Variants in KANK2 observed in about 807,000 individuals in gnomAD.
KANK2 encodes KN motif and ankyrin repeat domains 2.
KANK2 carries 41 observed loss-of-function variants against 74.6 expected under a neutral mutation model. That is an observed-to-expected ratio of 0.55 (90% CI 0.43 to 0.71). The LOEUF is 0.71. KANK2 is among the 30% of genes least tolerant of loss of function. KANK2 has a pLI of 0.00. For synonymous variants in KANK2, 537 were observed against 519.0 expected (o/e 1.03, Z -0.47); for missense variants, 1,148 against 1,196.4 (o/e 0.96, Z 0.60).
At position 11,177,093 on chromosome 19, in the gene KANK2, C is replaced by CTT. The variant is rs33941817; in HGVS notation, c.1521-278_1521-277dup. ...TGACACTTCTAGCATACTCACCCTC[C>CTT]TTTTTTTTTTTTTTTTTTTTGAGAT... On this transcript the variant is annotated intron_variant, in intron 6 of 12. Transcript: ENST00000586659. Among the ~76,000 whole-genome samples, 51,831 of 104,640 alleles carry CTT rather than the reference C, an allele frequency of 0.5. 14,750 individuals carry two copies. Among genetic ancestry groups the CTT allele is most frequent in the Non-Finnish European group, 0.56 (31,605 of 56,028 alleles). The allele number at this position is 104,640 out of a possible 152,430, so 68.6% of individuals were successfully genotyped here.
chr19:11,184,392 A>ACAAAAG (rs2078617617), intron 4 of KANK2, among the ~76,000 whole-genome samples: 1 of 149,748 alleles, frequency 6.7e-6, no homozygotes, highest in South Asian at 2.1e-4. Flanking sequence ...AAAAACAAAA[A>ACAAAAG]CAAAAATGAA....
intron 10 of KANK2, among the ~76,000 whole-genome samples, chr19:11,172,220 A>T (rs1600807428): frequency 6.6e-6 from 1 of 150,568 alleles, no homozygotes; most frequent in Non-Finnish European, 1.5e-5. Flanking sequence ...CAGGTGATCC[A>T]CCCACCTCAG....
intron 8 of KANK2, 47 bp from the exon 9 acceptor site, chr19:11,174,739 A>G (rs763854214): frequency 3.5e-5 from 51 of 1,457,122 alleles, no homozygotes; most frequent in Non-Finnish European, 4.7e-5. Flanking sequence ...GGGGAGGCCC[A>G]CTGGGACACC....
intron 6 of KANK2, among the ~76,000 whole-genome samples, chr19:11,178,144 G>T (rs1467881547): frequency 1.3e-5 from 2 of 152,212 alleles, no homozygotes; most frequent in African/African-American, 2.4e-5. Flanking sequence ...ACGCAGGGCT[G>T]ACTCCTGGGT....
rs1262365780 is a variant in KANK2 at position 11,164,608 on chromosome 19, C to G, written c.*1950G>C. On this transcript the variant is annotated 3_prime_UTR_variant, in exon 13 of 13. Coordinates refer to ENST00000586659, the MANE Select transcript of KANK2 (RefSeq NM_001136191.3). ...CTCTTGTACCGCTTCTCAAAGCTGC[C>G]CAAAGCTGCGACCTTCCCCCTCAGA... 6.6e-6 allele frequency: 1 copy of G among 152,158 alleles called. No homozygotes were observed. The highest frequency in any genetic ancestry group is 1.5e-5 in the Non-Finnish European group (1 of 68,036). The allele number at this position is 152,158 out of a possible 1,614,324, so 9.4% of individuals were successfully genotyped here.
intron 4 of KANK2, among the ~76,000 whole-genome samples, chr19:11,189,869 G>A (rs1256375848): frequency 6.6e-6 from 1 of 152,174 alleles, no homozygotes; most frequent in Admixed American, 6.5e-5. Context: ...TCCGAGGCTG[G>A]GCCAGGCGGA....
chr19:11,192,794 C>A lies in KANK2; in HGVS notation c.1249+37G>T, dbSNP rs7254271. The A allele has an allele frequency of 1.2e-3, 1,936 of 1,593,660 alleles. 12 individuals are homozygous for A. The African/African-American group carries it at 0.018, about 15-fold the overall frequency. ...ATGGGAAGAAAGAGGCCCCCCCCCC[C>A]CAAGCCATTCTCCCCTGCCTGCCTG... On this transcript the variant is annotated intron_variant, in intron 4 of 12. Transcript: ENST00000586659.
chr19:11,197,168 G>C (rs1280406913), intron 1 of KANK2: 1 of 152,688 alleles, frequency 6.5e-6, no homozygotes, highest in Non-Finnish European at 1.5e-5. Context: ...GTGGGACAGA[G>C]ACAGGGGAGA....
chr19:11,194,287 C>A (rs943179973), intron 3 of KANK2, among the ~76,000 whole-genome samples, 188 bp downstream of exon 3: 3 of 152,052 alleles, frequency 2.0e-5, no homozygotes, highest in Admixed American at 6.6e-5. Context: ...TAGACTACCC[C>A]CTTTTTCCGG....
intron 4 of KANK2, among the ~76,000 whole-genome samples, chr19:11,181,357 C>T (rs1406590874): frequency 6.6e-6 from 1 of 151,668 alleles, no homozygotes; most frequent in Non-Finnish European, 1.5e-5. Context: ...AGTGATTCTC[C>T]TGCCTCAGCC....
intron 4 of KANK2, among the ~76,000 whole-genome samples, chr19:11,191,915 G>A (rs781202543): frequency 8.6e-5 from 13 of 151,984 alleles, no homozygotes; most frequent in Non-Finnish European, 1.5e-4. Flanking sequence ...AAAAATTAAC[G>A]AGGCACAGTG....
rs201157384 is a variant in KANK2, at chr19:11,193,459, C to T, written c.621G>A (p.Lys207=). ...GCTTCACCTGGAGCACAGGGATCAGCTTCACCTGCTCCTCCAGCTGCCGCA... is the reference window on the plus strand; with the variant it reads ...GCTTCACCTGGAGCACAGGGATCAGTTTCACCTGCTCCTCCAGCTGCCGCA... The part of the protein sequence containing the change: ...RKLRQLEEQV[K]LIPVLQVKLS... Residue 207 remains lysine, a synonymous_variant, in exon 4 of 13, where the codon AAG becomes AAA. Coordinates refer to ENST00000586659, the MANE Select transcript of KANK2 (RefSeq NM_001136191.3). The surrounding 1 kb of genome is among the most constrained non-coding windows in gnomAD (Gnocchi z 9.6). 183 of 1,612,050 alleles carry T rather than the reference C, an allele frequency of 1.1e-4. No homozygotes were observed. The highest frequency in any genetic ancestry group is 1.5e-4 in the Non-Finnish European group (173 of 1,179,974).
chr19:11,190,217 C>T (rs1291696036), intron 4 of KANK2, among the ~76,000 whole-genome samples: 2 of 152,116 alleles, frequency 1.3e-5, no homozygotes, highest in Non-Finnish European at 2.9e-5. Context: ...CCAATGCAAC[C>T]TCCGCCTCCT....
intron 4 of KANK2, among the ~76,000 whole-genome samples, chr19:11,186,613 C>T (rs12982466): frequency 0.066 from 10,016 of 151,802 alleles, 378 homozygotes; most frequent in Admixed American, 0.09. Context: ...GCAGGAGAAT[C>T]GCTTGAACCC....
rs1448767089 is a variant in KANK2 at position 11,164,699 on chromosome 19, C to T, written c.*1859G>A. On this transcript the variant is annotated 3_prime_UTR_variant, in exon 13 of 13. Transcript: ENST00000586659. Reference sequence around the variant, plus strand: ...TTCTCTGCAATTTACATGCAAACACCATCTATCTATTCATCCATCCATCCA... The same window carrying T: ...TTCTCTGCAATTTACATGCAAACACTATCTATCTATTCATCCATCCATCCA... 1 of 145,180 alleles carries T rather than the reference C, an allele frequency of 6.9e-6. No individual in the cohort carries two copies. Among genetic ancestry groups the T allele is most frequent in the Non-Finnish European group, 1.5e-5 (1 of 66,190 alleles). The allele number at this position is 145,180 out of a possible 1,614,324, so 9.0% of individuals were successfully genotyped here.
chr19:11,169,889 G>A lies in KANK2; in HGVS notation c.2490C>T (p.Asn830=). Residue 830 remains asparagine, a synonymous_variant, in exon 12 of 13, where the codon AAC becomes AAT. Transcript: ENST00000586659. ...GATTGAGACTCACCGAGCACTTGAT[G>A]TTCATGCGGGAATACAGCATGGACG... is the stretch of plus-strand genomic sequence containing the variant. ...EIASMLYSRM[N]IKCSFAPMSD... is the part of the protein sequence containing the mutation. 1 of 1,614,014 alleles carries A rather than the reference G, an allele frequency of 6.2e-7. No homozygotes were observed. Among genetic ancestry groups the A allele is most frequent in the Non-Finnish European group, 8.5e-7 (1 of 1,179,890 alleles).
At chr19:11,197,410 G>A (rs1459548401) in intron 1 of KANK2, 75 bp downstream of exon 1, 1 of 151,772 alleles carries the variant, frequency 6.6e-6, no homozygotes, top group East Asian at 1.9e-4. Context: ...TAGGGTAGTA[G>A]GTGTGTGTGG....
At chr19:11,196,057 C>T (rs1352064785) in intron 1 of KANK2, 6 of 124,888 alleles carry the variant, frequency 4.8e-5, no homozygotes, top group Admixed American at 8.7e-5. Flanking sequence ...AACATCAACT[C>T]TTTTTTTTTT....
chr19:11,178,159 G>C (rs910918720), intron 6 of KANK2, among the ~76,000 whole-genome samples, 186 bp downstream of exon 6: 15 of 152,160 alleles, frequency 9.9e-5, no homozygotes, highest in African/African-American at 3.4e-4. Context: ...CTGGGTCACT[G>C]AGTGAGCTCC....
Sources: gnomAD v4.1 joint callset for allele counts (sites outside exome capture counted in the v4.1 genomes callset) on GRCh38, gnomAD v4.1.1 for gene constraint, Gnocchi (gnomAD v3.1) non-coding constraint, MANE v1.5 for transcripts, NCBI Gene and HGNC (gene_info 2026-07-23, HGNC 2026-07-21) for gene names.